FLII: variants seen among roughly 807,000 people sequenced by gnomAD.
The protein encoded by FLII is protein flightless-1 homolog.
FLII carries 101 observed loss-of-function variants against 156.2 expected under a neutral mutation model. The observed-to-expected ratio is 0.65, with a 90% confidence interval of 0.55 to 0.76. The LOEUF is 0.76. FLII is among the 30% of genes least tolerant of loss of function. FLII has a pLI of 0.00. For missense variants in FLII, 1,675 were observed against 1,682.8 expected (o/e 1.00, Z 0.08); for synonymous variants, 767 against 685.8 (o/e 1.12, Z -1.85).
Position 18,253,581 on chromosome 17 carries a change from G to A in FLII, c.818C>T (p.Thr273Ile). ...LCIDQWVHVETLNLSRNQLTS... is the reference protein window; with the variant it reads ...LCIDQWVHVEILNLSRNQLTS... Reference sequence around the variant, plus strand: ...GAGCTGATTTCGGGACAGGTTCAGAGTTTCCACGTGCACCCACTGGTCTAT... The same window carrying A: ...GAGCTGATTTCGGGACAGGTTCAGAATTTCCACGTGCACCCACTGGTCTAT... Residue 273 changes from threonine (T) to isoleucine (I), a missense_variant, in exon 8 of 30, where the codon ACT (threonine) becomes ATT (isoleucine). Physicochemically the swap from Thr to Ile is moderately conservative, Grantham distance 89 (BLOSUM62 -1). Around this residue, in one of 2 missense-constraint regions of FLII, gnomAD observed 343 missense variants for 413.5 expected, o/e 0.83. Coordinates refer to ENST00000327031, the MANE Select transcript of FLII (RefSeq NM_002018.4). The A allele has an allele frequency of 6.2e-7, 1 of 1,613,992 alleles. No homozygotes were observed. Among genetic ancestry groups the A allele is most frequent in the Non-Finnish European group, 8.5e-7 (1 of 1,179,980 alleles).
At chr17:18,251,945 A>G (rs2048283793) in intron 11 of FLII, 54 bp downstream of exon 11, 2 of 1,603,780 alleles carry the variant, frequency 1.2e-6, no homozygotes, top group Admixed American at 3.3e-5. Context: ...CAGATGTGTC[A>G]TTTGAGGCCT....
At position 18,254,577 on chromosome 17, in the gene FLII, CA is replaced by C; in HGVS notation, c.518del (p.Leu173ArgfsTer25). On this transcript the variant is annotated frameshift_variant, in exon 6 of 30. Coordinates refer to ENST00000327031, the MANE Select transcript of FLII (RefSeq NM_002018.4). LOFTEE classifies it high-confidence loss of function. ...TGAGCACGAGCGTCTGCAGGTGCAC[CA>C]GGCGGCGCATCTGCGGGGGCAGGCT... ...LESLPPQMRR[L>X]VHLQTLVLNG... The C allele has an allele frequency of 1.9e-6, 3 of 1,613,712 alleles. No individual in the cohort carries two copies. The highest frequency in any genetic ancestry group is 2.5e-6 in the Non-Finnish European group (3 of 1,179,922).
chr17:18,254,975 C>A, intron 4 of FLII, 121 bp from the exon 5 acceptor site: 1 of 1,024,550 alleles, frequency 9.8e-7, no homozygotes, highest in Non-Finnish European at 1.5e-6. Context: ...GCTTCAGGGC[C>A]AAAGGGAGAC....
chr17:18,252,273 A>C (rs2048296122), intron 10 of FLII, 127 bp from the exon 11 acceptor site: 1 of 968,804 alleles, frequency 1.0e-6, no homozygotes, highest in Non-Finnish European at 1.6e-6. Context: ...TTCTCCTCCC[A>C]CCCACCTCTG....
chr17:18,247,502 G>A, intron 20 of FLII, 145 bp from the exon 21 acceptor site: 2 of 1,034,092 alleles, frequency 1.9e-6, no homozygotes, highest in African/African-American at 1.6e-5. Flanking sequence ...AGGAATAGGA[G>A]GGGCAGCTTG....
chr17:18,251,572 T>C (rs1264305074), intron 12 of FLII, 95 bp from the exon 13 acceptor site: 4 of 1,574,260 alleles, frequency 2.5e-6, no homozygotes, highest in Non-Finnish European at 3.5e-6. Flanking sequence ...TGCACAGCTG[T>C]TCTTTCTGCC....
At position 18,248,895 on chromosome 17, in the gene FLII, G is replaced by C; in HGVS notation, c.1935-12C>G. The C allele has an allele frequency of 6.2e-7, 1 of 1,610,094 alleles. No homozygotes were observed. The highest frequency in any genetic ancestry group is 1.1e-5 in the South Asian group (1 of 90,976). On this transcript the variant is annotated splice_polypyrimidine_tract_variant and intron_variant, in intron 16 of 29. Transcript: ENST00000327031. ...GCAGGAAAACAAACCTGGACAAGAA[G>C]GGGCAGGAAGGAGCTGTGATGGTGC...
intron 13 of FLII, 91 bp from the exon 14 acceptor site, chr17:18,251,108 C>T (rs1027986975): frequency 6.1e-6 from 9 of 1,468,026 alleles, no homozygotes; most frequent in Admixed American, 2.2e-5. Flanking sequence ...GCTTCCCAGC[C>T]CCAGGGGCTT....
intron 23 of FLII, 50 bp from the exon 24 acceptor site, chr17:18,246,512 C>G (rs2048060190): frequency 6.2e-7 from 1 of 1,612,310 alleles, no homozygotes; most frequent in Non-Finnish European, 8.5e-7. Context: ...CCACCTGCCC[C>G]TCGGGAGCCT....
intron 18 of FLII, 119 bp downstream of exon 18, chr17:18,248,431 A>AC: frequency 1.1e-6 from 1 of 918,376 alleles, no homozygotes. Flanking sequence ...AGAAGGTGGC[A>AC]CCCTCTCCCC....
Position 18,255,183 on chromosome 17 carries a change from C to G in FLII, c.327G>C (p.Leu109=), listed in dbSNP as rs762265339. ...GCCAGGTGAGTGGGTAGCCACTGAC[C>G]AGGACTGAGAGATCATCTAGCTTGA... The part of the protein sequence containing the change: ...DIFKLDDLSV[L]DLSHNQLTEC... The change falls in exon 4 of 30, where the codon CTG becomes CTC. Residue 109 remains leucine (L), a splice_region_variant and synonymous_variant. Transcript: ENST00000327031. The G allele has an allele frequency of 1.2e-6, 2 of 1,612,868 alleles. No homozygotes were observed. Among genetic ancestry groups the G allele is most frequent in the Non-Finnish European group, 1.7e-6 (2 of 1,178,878 alleles).
chr17:18,250,783 C>T (rs2048237291), intron 14 of FLII, 55 bp downstream of exon 14: 1 of 1,567,432 alleles, frequency 6.4e-7, no homozygotes, highest in Non-Finnish European at 8.7e-7. Context: ...TGCCCCTGCA[C>T]CAGAGTTCCC....
chr17:18,250,584 T>G (rs891945984), intron 14 of FLII, among the ~76,000 whole-genome samples: 8 of 152,140 alleles, frequency 5.3e-5, no homozygotes, highest in African/African-American at 1.9e-4. Context: ...ATGCCCAGCC[T>G]GTACCCTTAT....
In FLII at chr17:18,246,996, C is replaced by A. The variant is rs1334807188; in HGVS notation, c.2733G>T (p.Val911=). ...GCCGCGCAAACTTCTTGCCCTCCAG[C>A]ACGAAACCCTCCATGCCGTCTAGGT... ...NEDLDGMEGF[V]LEGKKFARLP... The change falls in exon 22 of 30, where the codon GTG becomes GTT. Residue 911 remains valine, a synonymous_variant. Coordinates refer to ENST00000327031, the MANE Select transcript of FLII (RefSeq NM_002018.4). 1 of 1,614,104 alleles carries A rather than the reference C, an allele frequency of 6.2e-7. No homozygotes were observed. Among genetic ancestry groups the A allele is most frequent in the Admixed American group, 1.7e-5 (1 of 60,030 alleles).
At chr17:18,251,918 G>C (rs1007786853) in intron 11 of FLII, 81 bp downstream of exon 11, 1 of 1,603,340 alleles carries the variant, frequency 6.2e-7, no homozygotes, top group Non-Finnish European at 8.5e-7. Context: ...CCAGAAAGCT[G>C]TATGCCACCC....
At position 18,253,694 on chromosome 17, in the gene FLII, C is replaced by G. The variant is rs1180663139; in HGVS notation, c.705G>C (p.Leu235=). ...LADVDLSCND[L]TRVPECLYTL... ...TGTACAGACACTCGGGCACCCGTGT[C>G]AGGTCATTGCAGGACAGATCCACGT... The change falls in exon 8 of 30, where the codon CTG becomes CTC. Residue 235 remains leucine, a synonymous_variant. Transcript: ENST00000327031. The G allele has an allele frequency of 6.2e-7, 1 of 1,612,530 alleles. No homozygotes were observed. The highest frequency in any genetic ancestry group is 1.3e-5 in the African/African-American group (1 of 74,888).
At position 18,252,037 on chromosome 17, in the gene FLII, G is replaced by C; in HGVS notation, c.1208C>G (p.Ala403Gly). Reference sequence around the variant, plus strand: ...AGCCACGGTAGCAGGAGAGGCACCCGCTAGCCGCAGCTGGTTCTGCAGCGA... The same window carrying C: ...AGCCACGGTAGCAGGAGAGGCACCCCCTAGCCGCAGCTGGTTCTGCAGCGA... ...DFSLQNQLRL[A>G]GASPATVAAA... The change falls in exon 11 of 30, where the codon GCG becomes GGG. Residue 403 changes from alanine to glycine, a missense_variant. Ala to Gly is a moderately conservative substitution (Grantham distance 60). Transcript: ENST00000327031. 1.9e-6 allele frequency: 3 copies of C among 1,613,056 alleles called. No individual in the cohort carries two copies. Among genetic ancestry groups the C allele is most frequent in the South Asian group, 1.1e-5 (1 of 91,084 alleles).
chr17:18,246,855 G>A, intron 22 of FLII, 27 bp from the exon 23 acceptor site: 2 of 1,614,010 alleles, frequency 1.2e-6, no homozygotes, highest in African/African-American at 2.7e-5. Context: ...TTGTGAGCAG[G>A]GGCTCGAGCC....
Position 18,248,088 on chromosome 17 carries a change from C to G in FLII, c.2191-55G>C. 4 of 1,254,088 alleles carry G rather than the reference C, an allele frequency of 3.2e-6. 1 individual carries two copies. The South Asian group carries it at 5.0e-5, about 16-fold the overall frequency. The allele number at this position is 1,254,088 out of a possible 1,614,324, so 77.7% of individuals were successfully genotyped here. ...GGGATCTGGAGACAGGAACCTCACC[C>G]ACACAGCCCTCTGCTCTGGAACCAG... is the stretch of plus-strand genomic sequence containing the variant. On this transcript the variant is annotated intron_variant, in intron 18 of 29. Transcript: ENST00000327031.
Sources: gnomAD v4.1 joint callset for allele counts (sites outside exome capture counted in the v4.1 genomes callset) on GRCh38, gnomAD v4.1.1 for gene constraint, gnomAD v4.1.1 regional missense constraint, MANE v1.5 for transcripts, NCBI Gene and HGNC (gene_info 2026-07-23, HGNC 2026-07-21) for gene names.